The following HMGXB3 variants were observed in gnomAD, a reference collection of about 807,000 sequenced individuals.
HMGXB3 encodes the protein HMG domain-containing protein 3.
In HMGXB3, 45 loss-of-function variants were observed where a neutral mutation model predicts 121.5. The ratio of observed to expected loss-of-function variants is 0.37; its 90% CI spans 0.29 to 0.47. HMGXB3 has a LOEUF of 0.47. HMGXB3 is among the 20% of genes least tolerant of loss of function. HMGXB3 has a pLI of 0.99. For synonymous variants in HMGXB3, 590 were observed against 624.1 expected (o/e 0.95, Z 0.81); for missense variants, 1,376 against 1,602.2 (o/e 0.86, Z 2.41).
In HMGXB3 at chr5:150,040,800, A is replaced by G; in HGVS notation, c.2466A>G (p.Ala822=). 2 of 1,552,056 alleles carry G rather than the reference A, an allele frequency of 1.3e-6. No homozygotes were observed. Among genetic ancestry groups the G allele is most frequent in the Non-Finnish European group, 1.7e-6 (2 of 1,147,068 alleles). ...TGGTAAGCCTGGACTTGCTTTTTGC[A>G]ATCAGAAATCAGATCAAGCTCGGAG... ...KLLVSLDLLF[A]IRNQIKLGED... is the part of the protein sequence containing the mutation. The change falls in exon 14 of 20, where the codon GCA becomes GCG. Residue 822 remains alanine, a synonymous_variant. Coordinates refer to ENST00000502717, the MANE Select transcript of HMGXB3 (RefSeq NM_014983.3).
At chr5:150,020,593 T>C (rs1756066599) in intron 6 of HMGXB3, among the ~76,000 whole-genome samples, 1 of 152,118 alleles carries the variant, frequency 6.6e-6, no homozygotes, top group Non-Finnish European at 1.5e-5. Flanking sequence ...CACTTTGAAA[T>C]AACTTTTTTT....
chr5:150,053,003 G>A lies in HMGXB3; in HGVS notation c.*811G>A, dbSNP rs1235508296. The A allele has an allele frequency of 3.1e-5, 5 of 162,456 alleles. No homozygotes were observed. Among genetic ancestry groups the A allele is most frequent in the Non-Finnish European group, 6.8e-5 (5 of 73,884 alleles). The allele number at this position is 162,456 out of a possible 1,614,324, so 10.1% of individuals were successfully genotyped here. ...CAGACTGGGCCATAAGGAAACAGCA[G>A]GACTGGCTCAAGTGCCCAAGGTTTG... On this transcript the variant is annotated 3_prime_UTR_variant, in exon 20 of 20. Coordinates refer to ENST00000502717, the MANE Select transcript of HMGXB3 (RefSeq NM_014983.3).
chr5:150,010,080 G>T (rs765139257), intron 3 of HMGXB3, 31 bp from the exon 4 acceptor site: 46 of 1,536,868 alleles, frequency 3.0e-5, no homozygotes, highest in Non-Finnish European at 2.6e-6. Context: ...ATCTCTGCTT[G>T]TCTCCCCCTT....
chr5:150,020,459 T>C (rs570138619), intron 6 of HMGXB3, among the ~76,000 whole-genome samples: 1 of 152,254 alleles, frequency 6.6e-6, no homozygotes, highest in African/African-American at 2.4e-5. Flanking sequence ...CCTGTGCTTA[T>C]ACATGAAAGA....
chr5:150,043,896 C>G (rs1048720245), intron 15 of HMGXB3, among the ~76,000 whole-genome samples: 3 of 152,326 alleles, frequency 2.0e-5, no homozygotes, highest in African/African-American at 2.4e-5. Flanking sequence ...CCATTCTCAC[C>G]AGTACCTCCT....
At chr5:150,047,264 A>AAACC (rs1756778653) in intron 16 of HMGXB3, among the ~76,000 whole-genome samples, 1 of 152,164 alleles carries the variant, frequency 6.6e-6, no homozygotes, top group Non-Finnish European at 1.5e-5. Context: ...AACGTTGTGT[A>AAACC]GAGGGCACTT....
chr5:150,045,093 T>A (rs189339653), intron 15 of HMGXB3, among the ~76,000 whole-genome samples: 73 of 152,344 alleles, frequency 4.8e-4, no homozygotes. Flanking sequence ...AGTGCTTGAA[T>A]ACTCACCTCA....
Position 150,052,106 on chromosome 5 carries a change from A to T in HMGXB3, c.3793A>T (p.Thr1265Ser). The T allele has an allele frequency of 6.4e-7, 1 of 1,551,708 alleles. No homozygotes were observed. The highest frequency in any genetic ancestry group is 8.7e-7 in the Non-Finnish European group (1 of 1,147,018). ...GCCTGGTGAGGTGGTCATTCGTGACACCCTCTACCGCCTTGGGGTTGCTCA... is the reference window on the plus strand; with the variant it reads ...GCCTGGTGAGGTGGTCATTCGTGACTCCCTCTACCGCCTTGGGGTTGCTCA... ...CQPGEVVIRD[T>S]LYRLGVAQIK... is the part of the protein sequence containing the mutation. The change falls in exon 20 of 20, where the codon ACC (threonine) becomes TCC (serine). Residue 1265 changes from threonine to serine, a missense_variant. Around this residue, in one of 2 missense-constraint regions of HMGXB3, gnomAD observed 260 missense variants for 233.2 expected, o/e 1.11. Coordinates refer to ENST00000502717, the MANE Select transcript of HMGXB3 (RefSeq NM_014983.3).
intron 18 of HMGXB3, 110 bp from the exon 19 acceptor site, chr5:150,050,142 G>C: frequency 1.1e-6 from 1 of 928,334 alleles, no homozygotes; most frequent in African/African-American, 1.6e-5. Flanking sequence ...CCATGGCTTC[G>C]GCCCTGAAGC....
At chr5:150,041,613 A>G (rs1021800671) in intron 14 of HMGXB3, among the ~76,000 whole-genome samples, 172 bp from the exon 15 acceptor site, 2 of 152,234 alleles carry the variant, frequency 1.3e-5, no homozygotes, top group African/African-American at 4.8e-5. Flanking sequence ...TTGGGTTGCC[A>G]CCTGAGCACT....
rs1366489851 is a variant in HMGXB3 at position 150,028,110 on chromosome 5, G to A, written c.1734+993G>A. Among the ~76,000 whole-genome samples the A allele has an allele frequency of 3.3e-5, 5 of 152,148 alleles. 1 individual carries two copies. Among genetic ancestry groups the A allele is most frequent in the Admixed American group, 3.3e-4 (5 of 15,276 alleles). ...GGGGGACATCAGTCAACATACACAAGATGAACATTGGTTCAGTCTGGAAAG... is the reference window on the plus strand; with the variant it reads ...GGGGGACATCAGTCAACATACACAAAATGAACATTGGTTCAGTCTGGAAAG... On this transcript the variant is annotated intron_variant, in intron 9 of 19. Coordinates refer to ENST00000502717, the MANE Select transcript of HMGXB3 (RefSeq NM_014983.3).
chr5:150,050,141 C>T (rs563330716), intron 18 of HMGXB3, 111 bp from the exon 19 acceptor site: 5 of 920,250 alleles, frequency 5.4e-6, no homozygotes, highest in South Asian at 3.0e-5. Flanking sequence ...GCCATGGCTT[C>T]GGCCCTGAAG....
intron 3 of HMGXB3, 72 bp from the exon 4 acceptor site, chr5:150,010,035 ATATC>A: frequency 7.2e-7 from 1 of 1,398,302 alleles, no homozygotes; most frequent in African/African-American, 1.5e-5. Context: ...ACATATATAT[ATATC>A]TTTCTCTCTC....
chr5:150,037,403 C>T lies in HMGXB3; in HGVS notation c.2289C>T (p.Ser763=), dbSNP rs765202304. The change falls in exon 13 of 20, where the codon TCC becomes TCT. Residue 763 remains serine, a synonymous_variant. Transcript: ENST00000502717. ...TTGGTGATGTTTCTGGTACTAGCTC[C>T]CTGGCTGGGCCCCAGGAGTGCTGGC... is the stretch of plus-strand genomic sequence containing the variant. The part of the protein sequence containing the change: ...SSPLFKGGQN[S]LAGPQECWLL... The T allele has an allele frequency of 3.9e-6, 6 of 1,541,604 alleles. No individual in the cohort carries two copies. The South Asian group carries it at 7.2e-5, about 19-fold the overall frequency.
intron 13 of HMGXB3, 92 bp downstream of exon 13, chr5:150,037,619 G>A: frequency 8.7e-7 from 1 of 1,151,942 alleles, no homozygotes; most frequent in Non-Finnish European, 1.1e-6. Flanking sequence ...TGAGGACTGG[G>A]CCTTCTCAGA....
chr5:150,045,466 T>C lies in HMGXB3; in HGVS notation c.2731T>C (p.Phe911Leu). ...GACCTTCTTTATCCTGACCTTCTAG[T>C]TCACCTGGCCTGAATTCCTGGGCTC... ...ENVLALKSVE[F>L]TWPEFLGSNE... The change falls in exon 16 of 20, where the codon TTC (phenylalanine) becomes CTC (leucine). Residue 911 changes from phenylalanine (F) to leucine (L), a missense_variant and splice_region_variant. Transcript: ENST00000502717. 1 of 1,551,972 alleles carries C rather than the reference T, an allele frequency of 6.4e-7. No homozygotes were observed. The highest frequency in any genetic ancestry group is 1.2e-5 in the South Asian group (1 of 84,056).
chr5:150,002,758 G>A (rs1177278777), intron 1 of HMGXB3, among the ~76,000 whole-genome samples: 1 of 152,172 alleles, frequency 6.6e-6, no homozygotes, highest in African/African-American at 2.4e-5. Context: ...CTGTTTTTTA[G>A]CCCAGCACCA....
intron 13 of HMGXB3, 138 bp from the exon 14 acceptor site, chr5:150,040,610 T>C: frequency 1.2e-6 from 1 of 815,700 alleles, no homozygotes; most frequent in South Asian, 1.9e-5. Flanking sequence ...ACTCCTGGGC[T>C]CAAGCGATCC....
At chr5:150,009,564 G>C (rs1755782425) in intron 3 of HMGXB3, among the ~76,000 whole-genome samples, 1 of 152,210 alleles carries the variant, frequency 6.6e-6, no homozygotes, top group East Asian at 1.9e-4. Flanking sequence ...GGGAAAACCA[G>C]TGAGGTCAGA....
Sources: allele counts gnomAD v4.1 joint callset (sites outside exome capture counted in the v4.1 genomes callset), GRCh38; gene constraint gnomAD v4.1.1; regional missense constraint gnomAD v4.1.1; transcripts MANE v1.5; gene names NCBI Gene and HGNC (gene_info 2026-07-23, HGNC 2026-07-21).